GPC6: variants seen among roughly 807,000 people sequenced by gnomAD.
The protein encoded by GPC6 is glypican 6.
A neutral mutation model predicts 55.2 loss-of-function variants in GPC6; 14 were observed. The ratio of observed to expected loss-of-function variants is 0.25; its 90% CI spans 0.17 to 0.40. The LOEUF is 0.40. Ranked by LOEUF, GPC6 falls within the 10% of genes least tolerant of loss-of-function variation. GPC6 has a pLI of 1.00. For missense variants in GPC6, 641 were observed against 708.5 expected (o/e 0.90, Z 1.08); for synonymous variants, 278 against 259.6 (o/e 1.07, Z -0.68).
chr13:94,176,372 G>T (rs1225222989), intron 4 of GPC6, among the ~76,000 whole-genome samples: 1 of 152,044 alleles, frequency 6.6e-6, no homozygotes, highest in Non-Finnish European at 1.5e-5. Context: ...AGAGCATCAG[G>T]TTCTCGAAGG....
intron 5 of GPC6, among the ~76,000 whole-genome samples, chr13:94,290,681 A>G (rs544676690): frequency 6.6e-6 from 1 of 152,302 alleles, no homozygotes; most frequent in Admixed American, 6.5e-5. Context: ...CTACTCTCTC[A>G]GCAATTTTCA....
chr13:93,930,275 G>GTTTTTTT (rs35858695), intron 3 of GPC6, among the ~76,000 whole-genome samples: 25 of 123,848 alleles, frequency 2.0e-4, no homozygotes, highest in African/African-American at 7.7e-4. Context: ...GAAACGAAAG[G>GTTTTTTT]TTTTTTTTTT....
intron 2 of GPC6, among the ~76,000 whole-genome samples, chr13:93,646,899 C>G (rs534951220): frequency 1.3e-5 from 2 of 149,982 alleles, no homozygotes; most frequent in Non-Finnish European, 3.0e-5. Flanking sequence ...GCTTGAAAAG[C>G]AAAGTAGAAG....
At chr13:94,056,819 A>G (rs967050157) in intron 4 of GPC6, among the ~76,000 whole-genome samples, 1 of 152,236 alleles carries the variant, frequency 6.6e-6, no homozygotes, top group Non-Finnish European at 1.5e-5. Flanking sequence ...CATGTCTTCC[A>G]AATCAGCAAT....
intron 2 of GPC6, among the ~76,000 whole-genome samples, chr13:93,789,482 A>ACTCTCTCTCT (rs766627327): frequency 1.0e-4 from 6 of 59,606 alleles, no homozygotes; most frequent in African/African-American, 3.2e-4. Context: ...ATGTGAGTGA[A>ACTCTCTCTCT]CTCTCTCTCT....
chr13:94,097,259 T>C (rs988867962), intron 4 of GPC6, among the ~76,000 whole-genome samples: 2 of 151,882 alleles, frequency 1.3e-5, no homozygotes, highest in Non-Finnish European at 2.9e-5. Context: ...TCCCAGCACT[T>C]TGGGAGGCCG....
chr13:93,892,022 T>G (rs1875719267), intron 3 of GPC6, among the ~76,000 whole-genome samples: 1 of 152,106 alleles, frequency 6.6e-6, no homozygotes. Context: ...TGGCTTAGTA[T>G]ATCTGTCATA....
intron 1 of GPC6, among the ~76,000 whole-genome samples, chr13:93,281,041 C>T (rs1365356202): frequency 6.6e-6 from 1 of 152,176 alleles, no homozygotes; most frequent in Non-Finnish European, 1.5e-5. Flanking sequence ...TGTTTTAAAG[C>T]ATTTAAAAAT....
chr13:93,405,122 A>G (rs1876237956), intron 1 of GPC6, among the ~76,000 whole-genome samples: 4 of 152,206 alleles, frequency 2.6e-5, no homozygotes, highest in African/African-American at 9.6e-5. Context: ...CAAATATACA[A>G]GAAGAAAAGG....
rs531008969 is a variant in GPC6, at chr13:93,912,548, C to T, written c.711+82003C>T. 7.1e-3 allele frequency among the ~76,000 whole-genome samples: 1,074 copies of T among 152,164 alleles called. 10 individuals carry two copies. Among genetic ancestry groups the T allele is most frequent in the African/African-American group, 0.024 (988 of 41,492 alleles). ...CACAAGGTCAGGAGATCGAGACCAT[C>T]CTGGCTAACACGGTGAAACCCCATC... is the stretch of plus-strand genomic sequence containing the variant. On this transcript the variant is annotated intron_variant, in intron 3 of 8. Transcript: ENST00000377047.
At chr13:93,409,157 G>A (rs1594149465) in intron 1 of GPC6, among the ~76,000 whole-genome samples, 1 of 151,260 alleles carries the variant, frequency 6.6e-6, no homozygotes, top group Admixed American at 6.6e-5. Context: ...TTCTTATGAT[G>A]AGTCAGTCCC....
At chr13:93,992,076 T>G (rs1001394579) in intron 3 of GPC6, among the ~76,000 whole-genome samples, 1 of 151,624 alleles carries the variant, frequency 6.6e-6, no homozygotes, top group African/African-American at 2.4e-5. Flanking sequence ...TATACATACA[T>G]AGTTTACATA....
chr13:94,286,557 A>G (rs2139084869), intron 5 of GPC6, 78 bp downstream of exon 5: 1 of 1,000,848 alleles, frequency 1.0e-6, no homozygotes, highest in Non-Finnish European at 1.5e-6. Flanking sequence ...GTAACTAGAT[A>G]TGTCGGCTGG....
chr13:93,797,522 T>C (rs1378524664), intron 2 of GPC6, among the ~76,000 whole-genome samples: 2 of 152,204 alleles, frequency 1.3e-5, no homozygotes, highest in Admixed American at 6.5e-5. Context: ...ACTAAATAAA[T>C]CCTCTATGAA....
intron 4 of GPC6, among the ~76,000 whole-genome samples, chr13:94,192,722 TGA>T (rs1889438479): frequency 1.3e-5 from 2 of 152,168 alleles, no homozygotes; most frequent in Non-Finnish European, 2.9e-5. Context: ...AAAGGGCAAC[TGA>T]GAGAATGTGA....
intron 4 of GPC6, among the ~76,000 whole-genome samples, chr13:94,260,245 T>C (rs921735091): frequency 1.3e-5 from 2 of 152,170 alleles, no homozygotes; most frequent in Admixed American, 6.5e-5. Flanking sequence ...AAAAAAGGGA[T>C]TCCTAGCTCA....
intron 1 of GPC6, among the ~76,000 whole-genome samples, chr13:93,389,348 A>AT (rs1202069186): frequency 6.6e-6 from 1 of 151,542 alleles, no homozygotes; most frequent in Non-Finnish European, 1.5e-5. Context: ...ATACAAAAAA[A>AT]AAATAAATAG....
intron 1 of GPC6, among the ~76,000 whole-genome samples, chr13:93,425,723 G>A (rs1414893179): frequency 1.3e-5 from 2 of 152,132 alleles, no homozygotes; most frequent in African/African-American, 4.8e-5. Context: ...ATTAAAAACT[G>A]CAAACCTCTC....
chr13:93,847,400 C>T (rs1396880755), intron 3 of GPC6, among the ~76,000 whole-genome samples: 1 of 152,042 alleles, frequency 6.6e-6, no homozygotes, highest in African/African-American at 2.4e-5. Context: ...AAAGCTGGCC[C>T]GTCACTGGGT....
Sources: gnomAD v4.1 joint callset for allele counts (sites outside exome capture counted in the v4.1 genomes callset) on GRCh38, gnomAD v4.1.1 for gene constraint, MANE v1.5 for transcripts, NCBI Gene and HGNC (gene_info 2026-07-23, HGNC 2026-07-21) for gene names.